Variants in DIAPH3 observed in about 807,000 individuals in gnomAD.
DIAPH3 encodes protein diaphanous homolog 3.
A neutral mutation model predicts 144.3 loss-of-function variants in DIAPH3; 117 were observed. The ratio of observed to expected loss-of-function variants is 0.81; its 90% CI spans 0.70 to 0.95. The LOEUF (loss-of-function observed/expected upper bound fraction) is 0.95. DIAPH3 is among the 40% of genes least tolerant of loss of function. DIAPH3 has a pLI of 0.00. For synonymous variants in DIAPH3, 519 were observed against 488.9 expected (o/e 1.06, Z -0.81); for missense variants, 1,421 against 1,412.7 (o/e 1.01, Z -0.09).
intron 27 of DIAPH3, among the ~76,000 whole-genome samples, chr13:59,727,510 C>T (rs1339596982): frequency 1.3e-5 from 2 of 152,148 alleles, no homozygotes; most frequent in Non-Finnish European, 2.9e-5. Context: ...AGCTATTTAA[C>T]TTTGAGCAAG....
Position 59,680,590 on chromosome 13 carries a change from A to G in DIAPH3, c.3320-13744T>C, listed in dbSNP as rs1208154973. Among the ~76,000 whole-genome samples, 3 of 151,570 alleles carry G rather than the reference A, an allele frequency of 2.0e-5. No individual in the cohort carries two copies. The East Asian group carries it at 5.8e-4, about 29-fold the overall frequency. ...CTTTTTTTTTTTTTTAACTCAATCA[A>G]TGAAAATGCAGCTATAAGCTATAGC... is the stretch of plus-strand genomic sequence containing the variant. On this transcript the variant is annotated intron_variant, in intron 27 of 27. Transcript: ENST00000400324.
intron 25 of DIAPH3, among the ~76,000 whole-genome samples, chr13:59,800,220 G>A (rs571139565): frequency 1.2e-4 from 18 of 152,198 alleles, no homozygotes; most frequent in South Asian, 4.1e-4. Flanking sequence ...ATCTCTAAGC[G>A]TTCCTCAGTT....
At chr13:59,851,316 T>G (rs1186544994) in intron 22 of DIAPH3, among the ~76,000 whole-genome samples, 4 of 152,190 alleles carry the variant, frequency 2.6e-5, no homozygotes, top group African/African-American at 9.7e-5. Flanking sequence ...TACACTTGCT[T>G]TTCCCTTTGC....
intron 20 of DIAPH3, among the ~76,000 whole-genome samples, chr13:59,903,793 T>G (rs2046581811): frequency 6.6e-6 from 1 of 152,210 alleles, no homozygotes; most frequent in Non-Finnish European, 1.5e-5. Flanking sequence ...CTATACTTTT[T>G]CCATCCTTTC....
intron 12 of DIAPH3, 152 bp from the exon 13 acceptor site, chr13:59,984,039 G>A (rs769672620): frequency 1.6e-6 from 1 of 618,900 alleles, no homozygotes. Flanking sequence ...CTGGGAGTGA[G>A]AGTAAATACA....
intron 4 of DIAPH3, among the ~76,000 whole-genome samples, chr13:60,086,996 A>G (rs998580851): frequency 6.6e-6 from 1 of 152,188 alleles, no homozygotes; most frequent in African/African-American, 2.4e-5. Flanking sequence ...AAAATGGCAT[A>G]GTATTTGCAT....
intron 4 of DIAPH3, among the ~76,000 whole-genome samples, chr13:60,062,437 T>C (rs1431785670): frequency 1.3e-5 from 2 of 152,116 alleles, no homozygotes; most frequent in Non-Finnish European, 2.9e-5. Flanking sequence ...CTTTCCAGAG[T>C]AGTTTTTTTA....
intron 25 of DIAPH3, among the ~76,000 whole-genome samples, chr13:59,784,679 A>G (rs2038936493): frequency 6.6e-6 from 1 of 152,068 alleles, no homozygotes; most frequent in Non-Finnish European, 1.5e-5. Flanking sequence ...GCCCAGTGAC[A>G]TTTTCTAATA....
At chr13:59,919,930 T>G (rs2047427705) in intron 18 of DIAPH3, among the ~76,000 whole-genome samples, 2 of 152,036 alleles carry the variant, frequency 1.3e-5, no homozygotes, top group African/African-American at 2.4e-5. Context: ...AGAGTAAAAT[T>G]AATATGTAGT....
At chr13:60,112,834 C>T (rs1206817448) in intron 2 of DIAPH3, among the ~76,000 whole-genome samples, 3 of 152,072 alleles carry the variant, frequency 2.0e-5, no homozygotes, top group Admixed American at 1.3e-4. Flanking sequence ...AATCAAATAG[C>T]TTGCTGACAT....
intron 21 of DIAPH3, among the ~76,000 whole-genome samples, chr13:59,869,419 C>T (rs1279605508): frequency 6.6e-6 from 1 of 152,118 alleles, no homozygotes; most frequent in Non-Finnish European, 1.5e-5. Context: ...GCAAGTTTTC[C>T]GTAGCACAAA....
At chr13:59,960,441 C>T (rs1187912737) in intron 17 of DIAPH3, among the ~76,000 whole-genome samples, 2 of 152,162 alleles carry the variant, frequency 1.3e-5, no homozygotes, top group African/African-American at 2.4e-5. Flanking sequence ...AATTATCACT[C>T]TTCCAAACCT....
chr13:60,084,148 T>G (rs2057673304), intron 4 of DIAPH3, among the ~76,000 whole-genome samples: 1 of 152,060 alleles, frequency 6.6e-6, no homozygotes, highest in African/African-American at 2.4e-5. Context: ...AAAGTCAAGA[T>G]GGTGATTACT....
chr13:60,116,885 T>C (rs1293852820), intron 2 of DIAPH3, among the ~76,000 whole-genome samples: 1 of 152,098 alleles, frequency 6.6e-6, no homozygotes, highest in Non-Finnish European at 1.5e-5. Context: ...GCCTTTTCTA[T>C]ATGTCAAGCA....
At chr13:60,147,905 A>C (rs1455567457) in intron 1 of DIAPH3, among the ~76,000 whole-genome samples, 2 of 151,108 alleles carry the variant, frequency 1.3e-5, no homozygotes, top group East Asian at 3.9e-4. Flanking sequence ...AAAACAGAGT[A>C]GACCCAAGAA....
At chr13:59,901,878 GAAGTGCAGT>G (rs1936648110) in intron 20 of DIAPH3, among the ~76,000 whole-genome samples, 1 of 152,188 alleles carries the variant, frequency 6.6e-6, no homozygotes, top group African/African-American at 2.4e-5. Context: ...TCCCCAGGCT[GAAGTGCAGT>G]GGCACGATCT....
chr13:59,774,649 T>C (rs1185643967), intron 26 of DIAPH3, 79 bp downstream of exon 26: 9 of 1,402,308 alleles, frequency 6.4e-6, no homozygotes, highest in Non-Finnish European at 7.1e-6. Context: ...GACACACAAC[T>C]TCAAAAGAAT....
chr13:59,957,551 A>G (rs957373102), intron 17 of DIAPH3, among the ~76,000 whole-genome samples: 2 of 152,200 alleles, frequency 1.3e-5, no homozygotes, highest in African/African-American at 4.8e-5. Flanking sequence ...TGTCTTTATT[A>G]GCAGCATGAG....
intron 12 of DIAPH3, among the ~76,000 whole-genome samples, chr13:59,988,529 C>T (rs2140784960): frequency 6.6e-6 from 1 of 151,914 alleles, no homozygotes; most frequent in African/African-American, 2.4e-5. Context: ...CATGCAAAAA[C>T]TCACTGGGGA....
Sources: gnomAD v4.1 joint callset for allele counts (sites outside exome capture counted in the v4.1 genomes callset) on GRCh38, gnomAD v4.1.1 for gene constraint, MANE v1.5 for transcripts, NCBI Gene and HGNC (gene_info 2026-07-23, HGNC 2026-07-21) for gene names.